Variants in DOP1A observed in about 807,000 individuals in gnomAD.
DOP1A encodes DOP1 leucine zipper like protein A, also known as protein DOP1A.
In DOP1A, 90 loss-of-function variants were observed where a neutral mutation model predicts 267.6. That is an observed-to-expected ratio of 0.34 (90% CI 0.28 to 0.40). The LOEUF (loss-of-function observed/expected upper bound fraction) is 0.40. Ranked by LOEUF, DOP1A falls within the 10% of genes least tolerant of loss-of-function variation. The probability of loss-of-function intolerance (pLI) is 1.00; values close to 1 mark genes in which losing one functional copy is unlikely to be tolerated. For synonymous variants in DOP1A, 932 were observed against 999.1 expected (o/e 0.93, Z 1.27); for missense variants, 2,437 against 2,900.4 (o/e 0.84, Z 3.67).
intron 7 of DOP1A, among the ~76,000 whole-genome samples, chr6:83,115,798 CT>C (rs1775342628): frequency 6.6e-6 from 1 of 151,612 alleles, no homozygotes; most frequent in Non-Finnish European, 1.5e-5. Flanking sequence ...TCTTTTTGAA[CT>C]TATTTTTCCC....
At chr6:83,136,966 G>A (rs1035699067) in intron 20 of DOP1A, among the ~76,000 whole-genome samples, 1 of 152,074 alleles carries the variant, frequency 6.6e-6, no homozygotes, top group East Asian at 1.9e-4. Flanking sequence ...AGTCTTTAGA[G>A]AGCTTAGAAA....
In DOP1A at chr6:83,137,774, C is replaced by T. The variant is rs1179838026; in HGVS notation, c.3732C>T (p.Thr1244=). 5 of 1,613,746 alleles carry T rather than the reference C, an allele frequency of 3.1e-6. No homozygotes were observed. Among genetic ancestry groups the T allele is most frequent in the Middle Eastern group, 1.7e-4 (1 of 6,058 alleles). The change falls in exon 21 of 39, where the codon ACC becomes ACT. Residue 1244 remains threonine (T), a synonymous_variant. Coordinates refer to ENST00000349129, the MANE Select transcript of DOP1A (RefSeq NM_015018.4). The part of the protein sequence containing the change: ...RNSSSPCISG[T]THTLHDSSVA... ...GCTCCTCACCTTGTATTTCAGGAAC[C>T]ACACACACTCTTCATGACTCTTCTG... is the stretch of plus-strand genomic sequence containing the variant.
chr6:83,123,323 C>T lies in DOP1A; in HGVS notation c.1340+341C>T, dbSNP rs148911705. On this transcript the variant is annotated intron_variant, in intron 12 of 38. Coordinates refer to ENST00000349129, the MANE Select transcript of DOP1A (RefSeq NM_015018.4). The stretch of plus-strand genomic sequence containing the variant: ...GCACACTTTTCCAAAAGGATTTCCA[C>T]TTTGATTAACAAAAAACTTTTTGGC... Among the ~76,000 whole-genome samples, 10 of 152,174 alleles carry T rather than the reference C, an allele frequency of 6.6e-5. No individual in the cohort carries two copies. The East Asian group carries it at 1.7e-3, about 26-fold the overall frequency.
chr6:83,165,769 G>A, intron 38 of DOP1A: 1 of 247,384 alleles, frequency 4.0e-6, no homozygotes, highest in Non-Finnish European at 8.4e-6. Context: ...AGCGTTGGTT[G>A]TGCAACGTGC....
chr6:83,167,418 A>G, intron 38 of DOP1A: 4 of 980,936 alleles, frequency 4.1e-6, no homozygotes, highest in Non-Finnish European at 4.8e-6. Flanking sequence ...ATAAAAGGGA[A>G]TTAACTAATT....
At chr6:83,099,165 T>C (rs986664158) in intron 3 of DOP1A, among the ~76,000 whole-genome samples, 2 of 152,116 alleles carry the variant, frequency 1.3e-5, no homozygotes, top group African/African-American at 4.8e-5. Flanking sequence ...CCAGGAACCA[T>C]GGATGAAAAC....
chr6:83,151,673 A>C lies in DOP1A; in HGVS notation c.5904+14A>C, dbSNP rs769237107. 195 of 1,590,978 alleles carry C rather than the reference A, an allele frequency of 1.2e-4. 2 individuals carry two copies. The highest frequency in any genetic ancestry group is 1.0e-3 in the South Asian group (90 of 85,812). On this transcript the variant is annotated intron_variant, in intron 28 of 38. Coordinates refer to ENST00000349129, the MANE Select transcript of DOP1A (RefSeq NM_015018.4). ...AGAGACCTTCAGGTAAGGCAGTCTA[A>C]GAGCTGTTGCCAAAACTGTTTCTCA...
chr6:83,088,717 G>A (rs1401903824), intron 1 of DOP1A, among the ~76,000 whole-genome samples: 2 of 152,112 alleles, frequency 1.3e-5, no homozygotes, highest in Non-Finnish European at 2.9e-5. Flanking sequence ...ACCATGCCCG[G>A]CCTTCATCCA....
downstream of DOP1A, chr6:83,170,312 T>A: frequency 6.2e-7 from 1 of 1,614,096 alleles, no homozygotes; most frequent in Non-Finnish European, 8.5e-7. Flanking sequence ...TACTTGTGAG[T>A]CTGCTTCTGC....
In DOP1A at chr6:83,159,933, C is replaced by A; in HGVS notation, c.6935C>A (p.Pro2312His). The change falls in exon 37 of 39, where the codon CCC (proline) becomes CAC (histidine). Residue 2312 changes from proline to histidine, a missense_variant. By Grantham distance (77) the Pro-to-His change is moderately conservative. Transcript: ENST00000349129. ...TTTTTGGATTTGGCTCTCGCATTGC[C>A]CTCTGAAAACCTTCCTCAGTTTCAG... Reference protein sequence around the residue: ...CKFLDLALALPSENLPQFQMY... With the variant: ...CKFLDLALALHSENLPQFQMY... 1 of 1,613,996 alleles carries A rather than the reference C, an allele frequency of 6.2e-7. No individual in the cohort carries two copies. The highest frequency in any genetic ancestry group is 8.5e-7 in the Non-Finnish European group (1 of 1,180,002).
chr6:83,120,314 T>A (rs1237218969), intron 9 of DOP1A, among the ~76,000 whole-genome samples: 1 of 151,910 alleles, frequency 6.6e-6, no homozygotes, highest in Non-Finnish European at 1.5e-5. Context: ...AGTTGTTAAG[T>A]CACTAACGGG....
At position 83,088,638 on chromosome 6, in the gene DOP1A, C is replaced by T. The variant is rs981054248; in HGVS notation, c.-146-8093C>T. The stretch of plus-strand genomic sequence containing the variant: ...GGTTTCACCATGTTGGCCAGGATGG[C>T]CTTGATCTCCTGACCTCGTGATCTG... On this transcript the variant is annotated intron_variant, in intron 1 of 38. Transcript: ENST00000349129. Among the ~76,000 whole-genome samples, 4 of 151,668 alleles carry T rather than the reference C, an allele frequency of 2.6e-5. No individual in the cohort carries two copies. In the South Asian group the frequency reaches 6.3e-4, roughly 24 times the overall value.
At chr6:83,103,177 G>A (rs1327887828) in intron 4 of DOP1A, among the ~76,000 whole-genome samples, 1 of 152,144 alleles carries the variant, frequency 6.6e-6, no homozygotes, top group Non-Finnish European at 1.5e-5. Flanking sequence ...TGAAATAATG[G>A]CATTCACAGT....
intron 23 of DOP1A, among the ~76,000 whole-genome samples, chr6:83,140,990 T>C (rs1779555870): frequency 6.6e-6 from 1 of 152,146 alleles, no homozygotes; most frequent in Non-Finnish European, 1.5e-5. Flanking sequence ...TAATCTACTT[T>C]AGGAATGAAT....
At chr6:83,170,896 G>T (rs1786950687), downstream of DOP1A, 1 of 159,046 alleles carries the variant, frequency 6.3e-6, no homozygotes, top group African/African-American at 2.4e-5. Flanking sequence ...CACAAATTCT[G>T]TTGGTGAATG....
At position 83,137,950 on chromosome 6, in the gene DOP1A, C is replaced by A; in HGVS notation, c.3908C>A (p.Ala1303Asp). ...QPGAKPKVKL[A>D]RKKDDDKKKS... Reference sequence around the variant, plus strand: ...GGAGCAAAACCTAAAGTAAAACTTGCCAGAAAAAAGGATGATGACAAGAAA... The same window carrying A: ...GGAGCAAAACCTAAAGTAAAACTTGACAGAAAAAAGGATGATGACAAGAAA... The change falls in exon 21 of 39, where the codon GCC (alanine) becomes GAC (aspartate). Residue 1303 changes from alanine to aspartate, a missense_variant. Ala to Asp is a moderately radical substitution (Grantham distance 126). Transcript: ENST00000349129. The A allele has an allele frequency of 1.2e-6, 2 of 1,602,470 alleles. No individual in the cohort carries two copies. The highest frequency in any genetic ancestry group is 1.7e-6 in the Non-Finnish European group (2 of 1,176,662).
rs184350525 is a variant in DOP1A at position 83,091,014 on chromosome 6, A to C, written c.-146-5717A>C. The stretch of plus-strand genomic sequence containing the variant: ...AAGAAAGAAGTTTAATCGGACTTAC[A>C]GTTCCATATGGCTGGGGAAGCCTCA... On this transcript the variant is annotated intron_variant, in intron 1 of 38. Coordinates refer to ENST00000349129, the MANE Select transcript of DOP1A (RefSeq NM_015018.4). Among the ~76,000 whole-genome samples the C allele has an allele frequency of 2.4e-3, 363 of 152,182 alleles. 1 individual carries two copies. The highest frequency in any genetic ancestry group is 8.4e-3 in the African/African-American group (350 of 41,522).
At chr6:83,071,857 T>C in intron 1 of DOP1A, among the ~76,000 whole-genome samples, 1 of 152,170 alleles carries the variant, frequency 6.6e-6, no homozygotes, top group Non-Finnish European at 1.5e-5. Context: ...GAATCTAAAA[T>C]CTAAATCAGA....
downstream of DOP1A, chr6:83,168,590 T>A: frequency 1.0e-6 from 1 of 998,004 alleles, no homozygotes; most frequent in Non-Finnish European, 1.2e-6. Context: ...AAACGTATTA[T>A]AATTAGTTTT....
Sources: allele counts gnomAD v4.1 joint callset (sites outside exome capture counted in the v4.1 genomes callset), GRCh38; gene constraint gnomAD v4.1.1; transcripts MANE v1.5; gene names NCBI Gene and HGNC (gene_info 2026-07-23, HGNC 2026-07-21).